PHACTR1: variants seen among roughly 807,000 people sequenced by gnomAD.
PHACTR1 encodes the protein phosphatase and actin regulator 1, also known as RPEL repeat containing 1.
In PHACTR1, 16 loss-of-function variants were observed where a neutral mutation model predicts 69.2. That is an observed-to-expected ratio of 0.23 (90% CI 0.16 to 0.35). The LOEUF (loss-of-function observed/expected upper bound fraction) is 0.35, where lower values mean the gene tolerates loss of function less well. PHACTR1 is among the 10% of genes least tolerant of loss of function. The probability of loss-of-function intolerance (pLI) is 1.00; values close to 1 mark genes in which losing one functional copy is unlikely to be tolerated. For missense variants in PHACTR1, 510 were observed against 734.7 expected, an observed-to-expected ratio of 0.69 and a Z score of 3.54; for synonymous variants, 312 against 284.5, an observed-to-expected ratio of 1.10 and a Z score of -0.97.
At chr6:12,798,851 G>A (rs567615582) in intron 4 of PHACTR1, among the ~76,000 whole-genome samples, 1 of 152,282 alleles carries the variant, frequency 6.6e-6, no homozygotes, top group Admixed American at 6.5e-5. Flanking sequence ...AACAGCTTAT[G>A]GCCCTTGCCT....
chr6:13,254,256 A>T lies in PHACTR1; in HGVS notation c.1392-18604A>T, dbSNP rs58482218. On this transcript the variant is annotated intron_variant, in intron 10 of 14. Transcript: ENST00000332995. ...AATAAAATAAATATAAAATAAATTTAAAAAAAAACCAACTGGGGTATCCCA... is the reference window on the plus strand; with the variant it reads ...AATAAAATAAATATAAAATAAATTTTAAAAAAAACCAACTGGGGTATCCCA... Among the ~76,000 whole-genome samples the T allele has an allele frequency of 6.9e-3, 758 of 110,068 alleles. 1 individual carries two copies. Among genetic ancestry groups the T allele is most frequent in the African/African-American group, 0.014 (327 of 23,754 alleles). The allele number at this position is 110,068 out of a possible 152,430, so 72.2% of individuals were successfully genotyped here.
chr6:12,804,758 C>T (rs1016247393), intron 4 of PHACTR1, among the ~76,000 whole-genome samples: 9 of 152,140 alleles, frequency 5.9e-5, no homozygotes, highest in African/African-American at 9.7e-5. Context: ...GAAATCATAC[C>T]ACTGCAATCC....
chr6:12,793,972 C>T (rs1772664918), intron 4 of PHACTR1, among the ~76,000 whole-genome samples: 1 of 152,146 alleles, frequency 6.6e-6, no homozygotes. Flanking sequence ...CCGCTAAGTC[C>T]TGGAGCTATA....
intron 4 of PHACTR1, among the ~76,000 whole-genome samples, chr6:12,852,738 G>GA (rs1047763981): frequency 6.6e-6 from 1 of 152,122 alleles, no homozygotes; most frequent in African/African-American, 2.4e-5. Context: ...GGTAGGAAAT[G>GA]AAAAAAGTAA....
chr6:12,743,926 T>C (rs1162840442), intron 3 of PHACTR1, among the ~76,000 whole-genome samples: 1 of 152,034 alleles, frequency 6.6e-6, no homozygotes, highest in Non-Finnish European at 1.5e-5. Flanking sequence ...CCTCAGCAAA[T>C]GTAAAAGAAC....
chr6:13,165,250 G>T (rs746088028), intron 6 of PHACTR1, among the ~76,000 whole-genome samples: 9 of 152,124 alleles, frequency 5.9e-5, no homozygotes, highest in South Asian at 4.1e-4. Flanking sequence ...ACTATAAATA[G>T]TAAAAATGTT....
intron 5 of PHACTR1, among the ~76,000 whole-genome samples, chr6:13,055,340 A>G (rs777055555): frequency 6.6e-6 from 1 of 152,172 alleles, no homozygotes; most frequent in Non-Finnish European, 1.5e-5. Context: ...CATCCTTAAA[A>G]ACAACTGAGT....
chr6:13,125,571 T>TA (rs543194229), intron 5 of PHACTR1, among the ~76,000 whole-genome samples: 102 of 152,342 alleles, frequency 6.7e-4, no homozygotes, highest in African/African-American at 2.3e-3. Context: ...TAAAAATTCA[T>TA]AAAAAATTAA....
intron 4 of PHACTR1, among the ~76,000 whole-genome samples, chr6:12,801,521 A>T (rs531016960): frequency 2.6e-5 from 4 of 152,290 alleles, no homozygotes; most frequent in Admixed American, 2.6e-4. Flanking sequence ...AGAACAGAAT[A>T]TTCTCACTGC....
intron 4 of PHACTR1, among the ~76,000 whole-genome samples, chr6:12,890,756 C>T (rs1784096284): frequency 2.6e-5 from 4 of 152,278 alleles, no homozygotes; most frequent in South Asian, 2.1e-4. Flanking sequence ...TTTTTAAAAA[C>T]GAACACTGCC....
chr6:12,759,142 A>G (rs1767732462), intron 4 of PHACTR1, among the ~76,000 whole-genome samples: 2 of 151,606 alleles, frequency 1.3e-5, no homozygotes, highest in South Asian at 2.1e-4. Flanking sequence ...AAAAAAAAAA[A>G]AAAGAATGGC....
intron 10 of PHACTR1, among the ~76,000 whole-genome samples, chr6:13,251,335 A>T (rs1774372254): frequency 6.6e-6 from 1 of 152,138 alleles, no homozygotes; most frequent in Non-Finnish European, 1.5e-5. Flanking sequence ...GTTTATCTTC[A>T]CTGCAGGAGT....
chr6:13,282,846 A>G (rs1780592128), intron 12 of PHACTR1, among the ~76,000 whole-genome samples: 1 of 152,146 alleles, frequency 6.6e-6, no homozygotes, highest in African/African-American at 2.4e-5. Flanking sequence ...CCCACAGCCA[A>G]ACAGAAAGAC....
chr6:12,913,973 G>C (rs1207457145), intron 4 of PHACTR1, among the ~76,000 whole-genome samples: 1 of 151,778 alleles, frequency 6.6e-6, no homozygotes, highest in Non-Finnish European at 1.5e-5. Context: ...TTCTTTTTTT[G>C]TTTTTTTGTT....
At chr6:13,257,407 C>G (rs1470204592) in intron 10 of PHACTR1, among the ~76,000 whole-genome samples, 3 of 150,950 alleles carry the variant, frequency 2.0e-5, no homozygotes, top group Admixed American at 6.6e-5. Context: ...CAATCCCTAA[C>G]TTCATAGAGT....
intron 4 of PHACTR1, chr6:12,933,999 A>T: frequency 1.3e-6 from 2 of 1,497,512 alleles, no homozygotes; most frequent in South Asian, 2.8e-5. Context: ...CATGACATAA[A>T]ACAATATCAA....
chr6:13,284,546 A>ATATATATATATATATATAGATACACG (rs1781155464), intron 13 of PHACTR1, among the ~76,000 whole-genome samples: 1 of 69,724 alleles, frequency 1.4e-5, no homozygotes, highest in African/African-American at 7.4e-5. Flanking sequence ...AAAAAAAAAT[A>ATATATATATATATATATAGATACACG]TATATATATA....
intron 4 of PHACTR1, among the ~76,000 whole-genome samples, chr6:12,827,225 A>C (rs1776905113): frequency 6.6e-6 from 1 of 152,212 alleles, no homozygotes; most frequent in East Asian, 1.9e-4. Flanking sequence ...AGCTGCTATA[A>C]CTTCACCACA....
At chr6:13,148,346 A>C (rs982319770) in intron 5 of PHACTR1, among the ~76,000 whole-genome samples, 14 of 152,258 alleles carry the variant, frequency 9.2e-5, no homozygotes, top group African/African-American at 3.4e-4. Flanking sequence ...GACGTCTGTA[A>C]TCATACATCT....
Sources: allele counts gnomAD v4.1 joint callset (sites outside exome capture counted in the v4.1 genomes callset), GRCh38; gene constraint gnomAD v4.1.1; transcripts MANE v1.5; gene names NCBI Gene and HGNC (gene_info 2026-07-23, HGNC 2026-07-21).